The following PDZK1 variants were observed in gnomAD, a reference collection of about 807,000 sequenced individuals.
PDZK1 encodes the protein PDZ domain containing 1.
Under a neutral mutation model 38.1 loss-of-function variants are expected in PDZK1, and 23 were observed. That is an observed-to-expected ratio of 0.60 (90% CI 0.43 to 0.85). PDZK1 has a LOEUF of 0.85. PDZK1 is among the 40% of genes least tolerant of loss of function. PDZK1 has a pLI of 0.00. For missense variants in PDZK1, 297 were observed against 504.3 expected, an observed-to-expected ratio of 0.59 and a Z score of 3.94; for synonymous variants, 98 against 186.2, an observed-to-expected ratio of 0.53 and a Z score of 3.86.
At chr1:145,683,753 T>C (rs1243623972) in intron 3 of PDZK1, among the ~76,000 whole-genome samples, 2 of 152,002 alleles carry the variant, frequency 1.3e-5, no homozygotes, top group African/African-American at 4.8e-5. Flanking sequence ...AGATTAACAA[T>C]AACTGAGCTA....
At chr1:145,683,512 G>A (rs1479979183) in intron 3 of PDZK1, among the ~76,000 whole-genome samples, 2 of 152,148 alleles carry the variant, frequency 1.3e-5, no homozygotes, top group African/African-American at 4.8e-5. Flanking sequence ...GGCACAGGAG[G>A]GAGGGAAGAA....
intron 8 of PDZK1, among the ~76,000 whole-genome samples, chr1:145,672,209 A>G (rs782241863): frequency 2.6e-5 from 4 of 152,222 alleles, no homozygotes; most frequent in Non-Finnish European, 5.9e-5. Context: ...AAACTGGATT[A>G]CCTGTCAGTT....
rs782553764 is a variant in PDZK1 at position 145,688,099 on chromosome 1, C to G, written c.-2-76G>C. 113 of 1,246,154 alleles carry G rather than the reference C, an allele frequency of 9.1e-5. 1 individual carries two copies. In the South Asian group the frequency reaches 1.2e-3, roughly 13 times the overall value. The allele number at this position is 1,246,154 out of a possible 1,614,324, so 77.2% of individuals were successfully genotyped here. ...GGAGTGAGAACCCCATCCTCCATCT[C>G]CTATAATTCTGTTCTTCCAATCACC... On this transcript the variant is annotated intron_variant, in intron 1 of 8. Coordinates refer to ENST00000417171, the MANE Select transcript of PDZK1 (RefSeq NM_001201325.2).
intron 1 of PDZK1, among the ~76,000 whole-genome samples, chr1:145,690,320 C>T (rs1201937799): frequency 1.3e-5 from 2 of 152,058 alleles, no homozygotes; most frequent in Admixed American, 1.3e-4. Context: ...TACACCTTTC[C>T]ATTTCATAGG....
At chr1:145,676,473 T>C (rs1653681779) in intron 6 of PDZK1, among the ~76,000 whole-genome samples, 1 of 151,706 alleles carries the variant, frequency 6.6e-6, no homozygotes, top group African/African-American at 2.4e-5. Flanking sequence ...TGTTGGCTTA[T>C]ACCTGTAATC....
At position 145,682,009 on chromosome 1, in the gene PDZK1, A is replaced by C. The variant is rs1431921337; in HGVS notation, c.597+491T>G. On this transcript the variant is annotated intron_variant, in intron 4 of 8. Coordinates refer to ENST00000417171, the MANE Select transcript of PDZK1 (RefSeq NM_001201325.2). ...ACATAGTGAGACCCTATCTCTACAA[A>C]ACACACACACACACACACACACACA... Among the ~76,000 whole-genome samples, 5 of 108,316 alleles carry C rather than the reference A, an allele frequency of 4.6e-5. 1 individual carries two copies. The East Asian group carries it at 1.4e-3, about 31-fold the overall frequency. The allele number at this position is 108,316 out of a possible 152,430, so 71.1% of individuals were successfully genotyped here.
At chr1:145,694,288 T>C (rs1234711575) in intron 1 of PDZK1, among the ~76,000 whole-genome samples, 3 of 152,206 alleles carry the variant, frequency 2.0e-5, no homozygotes, top group Admixed American at 6.5e-5. Context: ...CCCTGGAGGA[T>C]GAGTGATGGT....
chr1:145,692,786 G>A (rs1272177953), intron 1 of PDZK1, among the ~76,000 whole-genome samples: 2 of 151,822 alleles, frequency 1.3e-5, no homozygotes, highest in Non-Finnish European at 2.9e-5. Flanking sequence ...TGTAATTCCA[G>A]CACTTTGGGA....
chr1:145,704,939 T>C (rs1656167250), intron 1 of PDZK1, among the ~76,000 whole-genome samples: 1 of 152,192 alleles, frequency 6.6e-6, no homozygotes, highest in Admixed American at 6.6e-5. Context: ...CATCTATTCT[T>C]CTAGCTCCTT....
chr1:145,702,251 A>G (rs150134756), intron 1 of PDZK1, among the ~76,000 whole-genome samples: 26 of 152,222 alleles, frequency 1.7e-4, no homozygotes, highest in Non-Finnish European at 3.7e-4. Flanking sequence ...ACTTTGTCCT[A>G]TATGGCAAGA....
At chr1:145,677,722 C>T (rs1386007327) in intron 6 of PDZK1, among the ~76,000 whole-genome samples, 1 of 147,652 alleles carries the variant, frequency 6.8e-6, no homozygotes, top group African/African-American at 2.5e-5. Context: ...ATGAGGAGGG[C>T]CTAAGATATC....
intron 1 of PDZK1, among the ~76,000 whole-genome samples, chr1:145,703,576 T>C (rs1294766962): frequency 6.6e-6 from 1 of 152,082 alleles, no homozygotes; most frequent in Non-Finnish European, 1.5e-5. Context: ...TTCCACCATC[T>C]ACCCTGCCTC....
intron 5 of PDZK1, among the ~76,000 whole-genome samples, chr1:145,680,128 T>C (rs1199904252): frequency 6.6e-6 from 1 of 152,152 alleles, no homozygotes; most frequent in African/African-American, 2.4e-5. Context: ...TCTGCCCCTG[T>C]ATGAAGGTAC....
intron 1 of PDZK1, among the ~76,000 whole-genome samples, chr1:145,690,263 G>T (rs1304520536): frequency 6.6e-6 from 1 of 152,002 alleles, no homozygotes; most frequent in Non-Finnish European, 1.5e-5. Context: ...CATCAGTTCA[G>T]TTTCAGCTTG....
At chr1:145,678,996 G>A (rs1327302390) in intron 5 of PDZK1, among the ~76,000 whole-genome samples, 1 of 151,522 alleles carries the variant, frequency 6.6e-6, no homozygotes, top group Non-Finnish European at 1.5e-5. Context: ...CGCGTCTTAT[G>A]TAAAAGCTGT....
intron 5 of PDZK1, among the ~76,000 whole-genome samples, chr1:145,680,123 C>G (rs1477116826): frequency 2.0e-5 from 3 of 152,010 alleles, no homozygotes; most frequent in African/African-American, 7.3e-5. Flanking sequence ...CTTGATCTGC[C>G]CCTGTATGAA....
At chr1:145,689,411 T>G (rs587601546) in intron 1 of PDZK1, among the ~76,000 whole-genome samples, 2 of 152,154 alleles carry the variant, frequency 1.3e-5, no homozygotes, top group East Asian at 3.9e-4. Context: ...ATCCTGCCCC[T>G]CCTGTTGCCC....
chr1:145,671,453 C>T lies in PDZK1; in HGVS notation c.1543G>A (p.Glu515Lys), dbSNP rs1255981734. Residue 515 changes from glutamate (E) to lysine (K), a missense_variant, in exon 9 of 9, where the codon GAA (glutamate) becomes AAA (lysine). Glu to Lys is a moderately conservative substitution (Grantham distance 56, BLOSUM62 1). Transcript: ENST00000417171. ...TGTTTTCATCACATCTCTGTATCTTCAGAATTGGAAGAAGAATGTGAGGCT... is the reference window on the plus strand; with the variant it reads ...TGTTTTCATCACATCTCTGTATCTTTAGAATTGGAAGAAGAATGTGAGGCT... Reference protein sequence around the residue: ...STASHSSSNSEDTEM With the variant: ...STASHSSSNSKDTEM The T allele has an allele frequency of 6.3e-7, 1 of 1,576,636 alleles. No individual in the cohort carries two copies. The highest frequency in any genetic ancestry group is 1.4e-5 in the African/African-American group (1 of 73,998).
intron 8 of PDZK1, among the ~76,000 whole-genome samples, chr1:145,672,091 G>T (rs1446520131): frequency 6.6e-6 from 1 of 152,108 alleles, no homozygotes; most frequent in African/African-American, 2.4e-5. Context: ...TCGACCTCAA[G>T]TTCATCTATG....
Sources: gnomAD v4.1 joint callset for allele counts (sites outside exome capture counted in the v4.1 genomes callset) on GRCh38, gnomAD v4.1.1 for gene constraint, MANE v1.5 for transcripts, NCBI Gene and HGNC (gene_info 2026-07-23, HGNC 2026-07-21) for gene names.